Variants in IMMP2L observed in about 807,000 individuals in gnomAD.
IMMP2L encodes the protein mitochondrial inner membrane protease subunit 2.
A neutral mutation model predicts 19.3 loss-of-function variants in IMMP2L; 18 were observed. That is an observed-to-expected ratio of 0.93 (90% CI 0.64 to 1.38). The LOEUF (loss-of-function observed/expected upper bound fraction) is 1.38. Among genes scored for constraint, IMMP2L ranks in the 40% most tolerant of loss-of-function variants. The probability of loss-of-function intolerance (pLI) is 0.00; values close to 1 mark genes in which losing one functional copy is unlikely to be tolerated. For missense variants in IMMP2L, 233 were observed against 218.2 expected, an observed-to-expected ratio of 1.07 and a Z score of -0.43; for synonymous variants, 76 against 73.0, an observed-to-expected ratio of 1.04 and a Z score of -0.21.
At chr7:110,752,529 T>C (rs1797785038) in intron 5 of IMMP2L, among the ~76,000 whole-genome samples, 1 of 152,066 alleles carries the variant, frequency 6.6e-6, no homozygotes, top group Non-Finnish European at 1.5e-5. Flanking sequence ...ACAAAGTCAC[T>C]GGGACACTCA....
At chr7:111,511,792 C>T (rs1372610642) in intron 2 of IMMP2L, among the ~76,000 whole-genome samples, 1 of 152,098 alleles carries the variant, frequency 6.6e-6, no homozygotes, top group African/African-American at 2.4e-5. Flanking sequence ...TACCCCACCC[C>T]ATCCCCCAAC....
chr7:110,967,480 A>T (rs1819667589), intron 3 of IMMP2L, among the ~76,000 whole-genome samples: 1 of 152,046 alleles, frequency 6.6e-6, no homozygotes. Context: ...ATAAAATTTT[A>T]AAACTTCCCT....
At chr7:111,208,072 G>GT (rs565961561) in intron 3 of IMMP2L, among the ~76,000 whole-genome samples, 4 of 151,986 alleles carry the variant, frequency 2.6e-5, no homozygotes, top group Non-Finnish European at 5.9e-5. Context: ...CACTTTTACT[G>GT]TTTTTTCAGT....
chr7:111,056,346 G>C (rs1457615477), intron 3 of IMMP2L, among the ~76,000 whole-genome samples: 1 of 152,194 alleles, frequency 6.6e-6, no homozygotes, highest in African/African-American at 2.4e-5. Flanking sequence ...CTGGAGTTAA[G>C]ATGAAGCCTG....
intron 3 of IMMP2L, among the ~76,000 whole-genome samples, chr7:111,214,331 CT>C (rs1169450523): frequency 0.014 from 1,175 of 81,928 alleles, 7 homozygotes; most frequent in African/African-American, 0.052. Context: ...AATTTTTCTT[CT>C]TTTTTTTTTT....
chr7:110,952,617 G>A (rs1211071623), intron 4 of IMMP2L, among the ~76,000 whole-genome samples: 1 of 152,124 alleles, frequency 6.6e-6, no homozygotes, highest in Non-Finnish European at 1.5e-5. Context: ...AGTATCAAAA[G>A]TTAGAAACTG....
chr7:111,079,613 T>C (rs541059351), intron 3 of IMMP2L, among the ~76,000 whole-genome samples: 1 of 152,328 alleles, frequency 6.6e-6, no homozygotes, highest in East Asian at 1.9e-4. Flanking sequence ...TGCATATGCA[T>C]AGTAAAGACC....
At chr7:110,834,679 A>T (rs1804274477) in intron 5 of IMMP2L, among the ~76,000 whole-genome samples, 1 of 152,174 alleles carries the variant, frequency 6.6e-6, no homozygotes, top group African/African-American at 2.4e-5. Flanking sequence ...TTGAGTTGCA[A>T]ACAGTTTGAA....
intron 3 of IMMP2L, among the ~76,000 whole-genome samples, chr7:111,402,685 C>G (rs372600474): frequency 6.6e-6 from 1 of 151,970 alleles, no homozygotes; most frequent in Admixed American, 6.6e-5. Flanking sequence ...TGCAATCCAG[C>G]CTGGGTGACA....
At chr7:111,502,074 C>T (rs1410771182) in intron 2 of IMMP2L, among the ~76,000 whole-genome samples, 1 of 152,066 alleles carries the variant, frequency 6.6e-6, no homozygotes, top group East Asian at 1.9e-4. Context: ...TCAGGAAACC[C>T]ATCTCACGTG....
intron 3 of IMMP2L, among the ~76,000 whole-genome samples, chr7:111,242,860 G>A (rs377398338): frequency 2.6e-5 from 4 of 152,050 alleles, no homozygotes; most frequent in Admixed American, 6.6e-5. Flanking sequence ...TTTGGACTCC[G>A]ACATACTATT....
At chr7:110,841,177 G>T (rs570769582) in intron 5 of IMMP2L, among the ~76,000 whole-genome samples, 49 of 151,470 alleles carry the variant, frequency 3.2e-4, no homozygotes, top group African/African-American at 1.2e-3. Flanking sequence ...CTTTTTTATT[G>T]TATACATTTA....
At chr7:111,442,187 T>C (rs1463039918) in intron 3 of IMMP2L, among the ~76,000 whole-genome samples, 1 of 151,654 alleles carries the variant, frequency 6.6e-6, no homozygotes, top group Non-Finnish European at 1.5e-5. Flanking sequence ...ATCAGAGGAA[T>C]GTCCAAAGCC....
intron 5 of IMMP2L, among the ~76,000 whole-genome samples, chr7:110,805,117 CCA>C (rs960160999): frequency 2.8e-4 from 42 of 152,112 alleles, no homozygotes; most frequent in African/African-American, 1.0e-3. Flanking sequence ...AGAAGTCACA[CCA>C]GTTTTAAAAG....
rs190206543 is a variant in IMMP2L at position 111,256,700 on chromosome 7, A to G, written c.239+230538T>C. ...GGTTTTTCTGTACCACAGGATAATC[A>G]TAAGATTGAGTACCCCAAAGGGAAT... On this transcript the variant is annotated intron_variant, in intron 3 of 5. Transcript: ENST00000405709. 4.3e-4 allele frequency among the ~76,000 whole-genome samples: 65 copies of G among 152,210 alleles called. 1 individual carries two copies. The highest frequency in any genetic ancestry group is 1.5e-3 in the African/African-American group (61 of 41,542).
intron 1 of IMMP2L, among the ~76,000 whole-genome samples, chr7:111,528,173 G>A (rs1847060820): frequency 6.6e-6 from 1 of 152,116 alleles, no homozygotes; most frequent in Admixed American, 6.5e-5. Flanking sequence ...CCTTGTCTAT[G>A]TAAATTGCCA....
chr7:111,380,656 T>C (rs923055220), intron 3 of IMMP2L, among the ~76,000 whole-genome samples: 7 of 152,160 alleles, frequency 4.6e-5, no homozygotes, highest in Non-Finnish European at 8.8e-5. Flanking sequence ...CCTGGACCAA[T>C]TTAGCTTGTC....
intron 3 of IMMP2L, among the ~76,000 whole-genome samples, chr7:111,016,156 G>C (rs1825498384): frequency 6.6e-6 from 1 of 151,650 alleles, no homozygotes; most frequent in African/African-American, 2.4e-5. Context: ...TGAGTAAGAT[G>C]TTTTGACATC....
chr7:111,479,432 T>G (rs1841994129), intron 3 of IMMP2L, among the ~76,000 whole-genome samples: 1 of 152,180 alleles, frequency 6.6e-6, no homozygotes. Flanking sequence ...GACTGATCTG[T>G]GGCCTATCTT....
Sources: allele counts gnomAD v4.1 joint callset (sites outside exome capture counted in the v4.1 genomes callset), GRCh38; gene constraint gnomAD v4.1.1; transcripts MANE v1.5; gene names NCBI Gene and HGNC (gene_info 2026-07-23, HGNC 2026-07-21).